PHC2: variants seen among roughly 807,000 people sequenced by gnomAD.
PHC2 encodes the protein polyhomeotic homolog 2, also known as polyhomeotic-like protein 2.
A neutral mutation model predicts 87.4 loss-of-function variants in PHC2; 29 were observed. That is an observed-to-expected ratio of 0.33 (90% CI 0.25 to 0.45). PHC2 has a LOEUF of 0.45. Among genes scored for constraint, PHC2 ranks in the 20% least tolerant of loss-of-function variants. The probability of loss-of-function intolerance (pLI) is 1.00; values close to 1 mark genes in which losing one functional copy is unlikely to be tolerated. For missense variants in PHC2, 857 were observed against 1,136.7 expected, an observed-to-expected ratio of 0.75 and a Z score of 3.54; for synonymous variants, 438 against 461.7, an observed-to-expected ratio of 0.95 and a Z score of 0.66.
intron 1 of PHC2, among the ~76,000 whole-genome samples, chr1:33,396,885 CAA>C (rs1394152711): frequency 6.6e-6 from 1 of 152,224 alleles, no homozygotes; most frequent in African/African-American, 2.4e-5. Flanking sequence ...CACACAGACA[CAA>C]GAGGAGGCCC....
chr1:33,399,222 T>C (rs1649416253), intron 1 of PHC2, among the ~76,000 whole-genome samples: 1 of 152,094 alleles, frequency 6.6e-6, no homozygotes, highest in African/African-American at 2.4e-5. Flanking sequence ...AGAACAATCC[T>C]TGAAGGGACC....
At chr1:33,401,731 A>G (rs1050567690) in intron 1 of PHC2, among the ~76,000 whole-genome samples, 1 of 152,228 alleles carries the variant, frequency 6.6e-6, no homozygotes, top group African/African-American at 2.4e-5. Context: ...CACTTGCTAT[A>G]TGACAGATGG....
chr1:33,325,608 T>G lies in PHC2; in HGVS notation c.2426-589A>C, dbSNP rs140614190. On this transcript the variant is annotated intron_variant, in intron 14 of 14. Coordinates refer to ENST00000683057, the MANE Select transcript of PHC2 (RefSeq NM_001385109.1). ...GGTCTGTGGAAGGGAGCAGATAACC[T>G]CTCTGTTTCTAGTTCTTAGACTAAG... is the stretch of plus-strand genomic sequence containing the variant. 122 of 289,248 alleles carry G rather than the reference T, an allele frequency of 4.2e-4. 1 individual carries two copies. The East Asian group carries it at 0.01, about 24-fold the overall frequency. The allele number at this position is 289,248 out of a possible 1,614,324, so 17.9% of individuals were successfully genotyped here.
At position 33,349,526 on chromosome 1, in the gene PHC2, A is replaced by T; in HGVS notation, c.1558+4875T>A. On this transcript the variant is annotated intron_variant, in intron 9 of 14. Coordinates refer to ENST00000683057, the MANE Select transcript of PHC2 (RefSeq NM_001385109.1). This position sits in a 1 kb window ranked among gnomAD's most constrained non-coding sequence, Gnocchi z 4.2. ...TTAGGGGCACCGAGGGCGGTGCCCG[A>T]CTTCCAGTGCGGCGAGCGCGGCCCC... The T allele has an allele frequency of 7.1e-6, 7 of 983,400 alleles. No individual in the cohort carries two copies. The highest frequency in any genetic ancestry group is 1.7e-5 in the African/African-American group (1 of 57,212). 60.9% of individuals were successfully genotyped at this position (983,400 alleles called of 1,614,324 possible). A position where few individuals can be genotyped will look rare whatever the true frequency, so the allele number is the denominator to read the frequency against.
intron 1 of PHC2, among the ~76,000 whole-genome samples, chr1:33,378,478 C>T (rs2148341180): frequency 6.6e-6 from 1 of 152,250 alleles, no homozygotes; most frequent in Non-Finnish European, 1.5e-5. Flanking sequence ...TCATTTCTTG[C>T]TTTTCATTAC....
Position 33,368,612 on chromosome 1 carries a change from G to A in PHC2, c.587C>T (p.Thr196Met), listed in dbSNP as rs550318031. 19 of 1,550,932 alleles carry A rather than the reference G, an allele frequency of 1.2e-5. No homozygotes were observed. The highest frequency in any genetic ancestry group is 7.3e-5 in the East Asian group (3 of 40,900). ...CACAGTAGCGACGGTGGCCGTGGGC[G>A]TGAAGATGAGCTGAGGGGACAAAGG... ...MYLRAQMLIFTPTATVATVQP... is the reference protein window; with the variant it reads ...MYLRAQMLIFMPTATVATVQP... The change falls in exon 6 of 15, where the codon ACG becomes ATG. Residue 196 changes from threonine (T) to methionine (M), a missense_variant. Thr to Met is a moderately conservative substitution (Grantham distance 81). Around this residue, in one of 3 missense-constraint regions of PHC2, gnomAD observed 832 missense variants for 1,081.8 expected, o/e 0.77. Coordinates refer to ENST00000683057, the MANE Select transcript of PHC2 (RefSeq NM_001385109.1). The surrounding 1 kb of genome is among the most constrained non-coding windows in gnomAD (Gnocchi z 6.6).
intron 1 of PHC2, among the ~76,000 whole-genome samples, chr1:33,377,388 G>T (rs1277481468): frequency 6.6e-6 from 1 of 152,118 alleles, no homozygotes; most frequent in African/African-American, 2.4e-5. Flanking sequence ...AGTAAGGAGG[G>T]CCATAAATTC....
chr1:33,388,318 ATTTTTTT>A (rs751211305), intron 1 of PHC2, among the ~76,000 whole-genome samples: 1 of 126,140 alleles, frequency 7.9e-6, no homozygotes, highest in African/African-American at 2.9e-5. Flanking sequence ...AATGACAGCA[ATTTTTTT>A]TTTTTTTTTT....
At chr1:33,419,687 G>A (rs955886417) in intron 1 of PHC2, among the ~76,000 whole-genome samples, 5 of 152,154 alleles carry the variant, frequency 3.3e-5, no homozygotes, top group African/African-American at 1.2e-4. Context: ...TCAGCTCACT[G>A]CAAGCTCCAC....
At chr1:33,326,756 C>CAAG (rs1557814701) in intron 14 of PHC2, among the ~76,000 whole-genome samples, 1 of 152,028 alleles carries the variant, frequency 6.6e-6, no homozygotes, top group Non-Finnish European at 1.5e-5. Context: ...GAGTTTGAGA[C>CAAG]CAGCCTGCCA....
intron 7 of PHC2, among the ~76,000 whole-genome samples, chr1:33,357,217 C>T (rs1452172428): frequency 6.6e-6 from 1 of 152,130 alleles, no homozygotes; most frequent in Non-Finnish European, 1.5e-5. Context: ...AGCCTCATGC[C>T]AGTAAGGATA....
chr1:33,329,974 G>T, intron 13 of PHC2, 97 bp downstream of exon 13: 1 of 1,375,118 alleles, frequency 7.3e-7, no homozygotes, highest in African/African-American at 1.4e-5. Flanking sequence ...AGAGTGCGCT[G>T]AAGTCGGCAG....
intron 1 of PHC2, among the ~76,000 whole-genome samples, chr1:33,414,261 C>T (rs1650115799): frequency 6.6e-6 from 1 of 150,920 alleles, no homozygotes; most frequent in African/African-American, 2.4e-5. Context: ...CCCCAAATAA[C>T]CTGCCCCAGG....
chr1:33,404,500 C>T (rs1284774618), intron 1 of PHC2, among the ~76,000 whole-genome samples: 2 of 152,128 alleles, frequency 1.3e-5, no homozygotes, highest in Non-Finnish European at 2.9e-5. Flanking sequence ...TCTTTTAACC[C>T]CTTTATGTAT....
intron 7 of PHC2, chr1:33,363,768 T>A: frequency 1.0e-6 from 1 of 985,008 alleles, no homozygotes; most frequent in Middle Eastern, 5.2e-4. Flanking sequence ...AAGCCTGGAG[T>A]TTATCCACTA....
chr1:33,344,823 G>C (rs969583353), intron 9 of PHC2, among the ~76,000 whole-genome samples: 5 of 151,900 alleles, frequency 3.3e-5, no homozygotes, highest in African/African-American at 1.2e-4. Context: ...TGCTCAGGCT[G>C]GTCTCGAACT....
chr1:33,428,179 C>A (rs757695049), intron 1 of PHC2, among the ~76,000 whole-genome samples: 1 of 152,330 alleles, frequency 6.6e-6, no homozygotes. Flanking sequence ...CCTGGTAGAA[C>A]TGGGATCCAA....
At chr1:33,397,183 A>G (rs1412486268) in intron 1 of PHC2, among the ~76,000 whole-genome samples, 3 of 152,222 alleles carry the variant, frequency 2.0e-5, no homozygotes, top group Non-Finnish European at 4.4e-5. Context: ...CAGCAGCACC[A>G]TCACCAGGCA....
chr1:33,425,288 T>C (rs1248445980), intron 1 of PHC2, among the ~76,000 whole-genome samples: 1 of 152,224 alleles, frequency 6.6e-6, no homozygotes, highest in Non-Finnish European at 1.5e-5. Context: ...ATATACAACG[T>C]TTCTTTACAT....
Sources: allele counts gnomAD v4.1 joint callset (sites outside exome capture counted in the v4.1 genomes callset), GRCh38; gene constraint gnomAD v4.1.1; regional missense constraint gnomAD v4.1.1; non-coding constraint Gnocchi (gnomAD v3.1); transcripts MANE v1.5; gene names NCBI Gene and HGNC (gene_info 2026-07-23, HGNC 2026-07-21).